RNF182: variants seen among roughly 807,000 people sequenced by gnomAD.
RNF182 encodes the protein E3 ubiquitin-protein ligase RNF182.
RNF182 carries 15 observed loss-of-function variants against 14.4 expected under a neutral mutation model. The observed-to-expected ratio is 1.04, with a 90% CI of 0.70 to 1.60. RNF182 has a LOEUF of 1.60. RNF182 is among the 40% of genes most tolerant of loss of function. The pLI is 0.00. For synonymous variants in RNF182, 128 were observed against 122.9 expected (o/e 1.04, Z -0.27); for missense variants, 268 against 294.8 (o/e 0.91, Z 0.67).
rs145040153 is a variant in RNF182 at position 13,977,238 on chromosome 6, G to C, written c.119G>C (p.Cys40Ser). The part of the protein sequence containing the change: ...KQRKPKVLEC[C>S]HRVCAKCLYK... ...AGGAAACCCAAAGTGCTGGAGTGTT[G>C]TCATAGGGTTTGTGCCAAATGCCTC... Residue 40 changes from cysteine (C) to serine (S), a missense_variant, in exon 3 of 3, where the codon TGT becomes TCT. Transcript: ENST00000488300. 1.6e-4 allele frequency: 266 copies of C among 1,614,168 alleles called. 1 individual carries two copies. In the African/African-American group the frequency reaches 3.3e-3, roughly 20 times the overall value.
At position 13,972,865 on chromosome 6, in the gene RNF182, C is replaced by A. The variant is rs1000408428; in HGVS notation, c.-366-1345C>A. The stretch of plus-strand genomic sequence containing the variant: ...AAGGGAAATGTGGGGTTGGAGCCCC[C>A]ACACTGAGTCCCCACTGGGGCACTG... On this transcript the variant is annotated intron_variant, in intron 1 of 2. Transcript: ENST00000488300. 2.0e-5 allele frequency among the ~76,000 whole-genome samples: 3 copies of A among 152,206 alleles called. No homozygotes were observed. In the East Asian group the frequency reaches 5.8e-4, roughly 29 times the overall value.
chr6:13,927,840 G>A (rs1159172975), intron 1 of RNF182, among the ~76,000 whole-genome samples: 2 of 152,198 alleles, frequency 1.3e-5, no homozygotes, highest in Admixed American at 1.3e-4. Context: ...GTGAAGGATG[G>A]TAGTTTTTAA....
At chr6:13,974,460 A>G (rs958853760) in intron 2 of RNF182, 96 bp downstream of exon 2, 26 of 152,260 alleles carry the variant, frequency 1.7e-4, no homozygotes, top group Non-Finnish European at 5.9e-5. Context: ...TATGAACATT[A>G]TAATCACATA....
chr6:13,976,009 A>G (rs1482478626), intron 2 of RNF182, among the ~76,000 whole-genome samples: 3 of 152,262 alleles, frequency 2.0e-5, no homozygotes, highest in African/African-American at 7.2e-5. Context: ...AATAACCAGT[A>G]ATAGTAATTA....
intron 1 of RNF182, among the ~76,000 whole-genome samples, chr6:13,926,045 T>C (rs1444951706): frequency 6.6e-6 from 1 of 152,194 alleles, no homozygotes; most frequent in Non-Finnish European, 1.5e-5. Context: ...GAAATACAGT[T>C]GATCAATTCA....
At chr6:13,970,466 C>G (rs1760147884) in intron 1 of RNF182, among the ~76,000 whole-genome samples, 1 of 152,166 alleles carries the variant, frequency 6.6e-6, no homozygotes, top group African/African-American at 2.4e-5. Flanking sequence ...TAGTAGTTCA[C>G]ATTTTTTTAT....
At chr6:13,968,611 T>G (rs1229607979) in intron 1 of RNF182, among the ~76,000 whole-genome samples, 3 of 152,188 alleles carry the variant, frequency 2.0e-5, no homozygotes, top group African/African-American at 4.8e-5. Flanking sequence ...TAGAGACCAA[T>G]TTAATTTTCA....
At chr6:13,966,772 A>AC (rs1214788959) in intron 1 of RNF182, among the ~76,000 whole-genome samples, 2 of 34,034 alleles carry the variant, frequency 5.9e-5, no homozygotes, top group African/African-American at 2.0e-4. Context: ...CCACCCCCCC[A>AC]CCCCCCCACC....
chr6:13,949,271 A>C lies in RNF182; in HGVS notation c.-367+24248A>C, dbSNP rs1237205151. 5 of 781,012 alleles carry C rather than the reference A, an allele frequency of 6.4e-6. No individual in the cohort carries two copies. In the East Asian group the frequency reaches 1.2e-4, roughly 19 times the overall value. The allele number at this position is 781,012 out of a possible 1,614,324, so 48.4% of individuals were successfully genotyped here. A position where few individuals can be genotyped will look rare whatever the true frequency, so the allele number is the denominator to read the frequency against. Reference sequence around the variant, plus strand: ...GACACCAGTTGTTTCCTCTGCTCCCAGACTTACCACATCTGTCAGAAACCT... The same window carrying C: ...GACACCAGTTGTTTCCTCTGCTCCCCGACTTACCACATCTGTCAGAAACCT... On this transcript the variant is annotated intron_variant, in intron 1 of 2. Transcript: ENST00000488300.
chr6:13,971,972 A>G (rs1462225121), intron 1 of RNF182, among the ~76,000 whole-genome samples: 4 of 152,178 alleles, frequency 2.6e-5, no homozygotes, highest in Non-Finnish European at 5.9e-5. Context: ...TGTATTCACA[A>G]AGATATGGTT....
intron 1 of RNF182, among the ~76,000 whole-genome samples, chr6:13,952,961 C>T (rs1156973601): frequency 6.6e-6 from 1 of 152,176 alleles, no homozygotes; most frequent in Non-Finnish European, 1.5e-5. Context: ...ACTACTTTCA[C>T]AGGAATATTA....
intron 1 of RNF182, among the ~76,000 whole-genome samples, chr6:13,942,705 C>T (rs572523708): frequency 5.3e-5 from 8 of 152,286 alleles, no homozygotes; most frequent in Admixed American, 6.5e-5. Context: ...GATCACTTTC[C>T]TCTGCTCCTA....
At chr6:13,948,613 T>C (rs1292534082) in intron 1 of RNF182, among the ~76,000 whole-genome samples, 3 of 152,222 alleles carry the variant, frequency 2.0e-5, no homozygotes, top group Non-Finnish European at 4.4e-5. Flanking sequence ...TCTAAAAGGA[T>C]TATCAAGTCA....
At chr6:13,942,261 A>G (rs576768235) in intron 1 of RNF182, among the ~76,000 whole-genome samples, 23 of 152,178 alleles carry the variant, frequency 1.5e-4, no homozygotes, top group Non-Finnish European at 2.9e-4. Context: ...CTGTTAAGAT[A>G]TGCTGAGACA....
At chr6:13,968,599 T>G (rs1760095634) in intron 1 of RNF182, among the ~76,000 whole-genome samples, 11 of 152,074 alleles carry the variant, frequency 7.2e-5, no homozygotes. Flanking sequence ...CACAAAAAAG[T>G]CTAGAGACCA....
chr6:13,958,563 A>G (rs1192872270), intron 1 of RNF182, among the ~76,000 whole-genome samples: 1 of 152,156 alleles, frequency 6.6e-6, no homozygotes, highest in African/African-American at 2.4e-5. Flanking sequence ...ATATATTTAT[A>G]TGGCAGGTAT....
intron 1 of RNF182, among the ~76,000 whole-genome samples, chr6:13,956,272 C>CT: frequency 6.7e-6 from 1 of 149,838 alleles, no homozygotes; most frequent in South Asian, 2.1e-4. Flanking sequence ...CTGCTGCACA[C>CT]TGTCTCTGCT....
chr6:13,941,779 C>T (rs778390480), intron 1 of RNF182, among the ~76,000 whole-genome samples: 13 of 151,924 alleles, frequency 8.6e-5, no homozygotes, highest in East Asian at 1.9e-4. Flanking sequence ...TTAATCCTTC[C>T]GTGATGGTGT....
At chr6:13,971,109 C>T (rs899955675) in intron 1 of RNF182, among the ~76,000 whole-genome samples, 3 of 152,018 alleles carry the variant, frequency 2.0e-5, no homozygotes, top group Admixed American at 6.6e-5. Flanking sequence ...CCCTTCAAGG[C>T]GTCGGCTGTC....
Sources: allele counts gnomAD v4.1 joint callset (sites outside exome capture counted in the v4.1 genomes callset), GRCh38; gene constraint gnomAD v4.1.1; transcripts MANE v1.5; gene names NCBI Gene and HGNC (gene_info 2026-07-23, HGNC 2026-07-21).